ARHGAP22: variants seen among roughly 807,000 people sequenced by gnomAD.
ARHGAP22 encodes rho GTPase-activating protein 22.
A neutral mutation model predicts 59.1 loss-of-function variants in ARHGAP22; 48 were observed. The observed-to-expected ratio is 0.81, with a 90% CI of 0.64 to 1.03. The LOEUF (loss-of-function observed/expected upper bound fraction) is 1.03, where lower values mean the gene tolerates loss of function less well. Ranked by LOEUF, ARHGAP22 falls within the 50% of genes least tolerant of loss-of-function variation. ARHGAP22 has a pLI of 0.00. For missense variants in ARHGAP22, 1,015 were observed against 958.7 expected, an observed-to-expected ratio of 1.06 and a Z score of -0.78; for synonymous variants, 445 against 416.4, an observed-to-expected ratio of 1.07 and a Z score of -0.84.
chr10:48,616,834 G>A (rs61838392), intron 1 of ARHGAP22, among the ~76,000 whole-genome samples: 26,904 of 152,056 alleles, frequency 0.18, 2,672 homozygotes, highest in East Asian at 0.28. Flanking sequence ...CTATTAAAGT[G>A]AGTCCTTCAG....
intron 5 of ARHGAP22, among the ~76,000 whole-genome samples, chr10:48,457,117 A>C (rs1014564798): frequency 6.6e-6 from 1 of 152,144 alleles, no homozygotes; most frequent in Non-Finnish European, 1.5e-5. Flanking sequence ...TGCAGCCCGC[A>C]GCAAGGTGAC....
At chr10:48,593,666 T>C (rs1007501295) in intron 1 of ARHGAP22, among the ~76,000 whole-genome samples, 3 of 152,222 alleles carry the variant, frequency 2.0e-5, no homozygotes, top group Non-Finnish European at 4.4e-5. Flanking sequence ...CTGGGCAAGA[T>C]AGAGTGGGAC....
chr10:48,446,215 C>A lies in ARHGAP22; in HGVS notation c.*176G>T. On this transcript the variant is annotated 3_prime_UTR_variant, in exon 10 of 10. Transcript: ENST00000249601. ...TGCATGGTTGGAGCAGCATCTGATC[C>A]CACCTGGAGTGTGTGGGGTCCCAAA... 1 of 647,836 alleles carries A rather than the reference C, an allele frequency of 1.5e-6. No homozygotes were observed. The highest frequency in any genetic ancestry group is 2.0e-5 in the South Asian group (1 of 49,630). 40.1% of individuals were successfully genotyped at this position (647,836 alleles called of 1,614,324 possible).
chr10:48,487,586 T>C lies in ARHGAP22; in HGVS notation c.323-7822A>G, dbSNP rs528819297. Reference sequence around the variant, plus strand: ...GTGGAGGAAGGGAGCCAGGAGCTGATGAATGCAGGCAACCTCTAGAAACTG... The same window carrying C: ...GTGGAGGAAGGGAGCCAGGAGCTGACGAATGCAGGCAACCTCTAGAAACTG... On this transcript the variant is annotated intron_variant, in intron 3 of 9. Coordinates refer to ENST00000249601, the MANE Select transcript of ARHGAP22 (RefSeq NM_021226.4). Among the ~76,000 whole-genome samples, 119 of 152,282 alleles carry C rather than the reference T, an allele frequency of 7.8e-4. 2 individuals carry two copies. The highest frequency in any genetic ancestry group is 3.1e-3 in the Admixed American group (48 of 15,292).
upstream of ARHGAP22, among the ~76,000 whole-genome samples, chr10:48,655,248 T>TGGGGGG (rs2062763955): frequency 9.1e-6 from 1 of 110,184 alleles, no homozygotes; most frequent in African/African-American, 4.0e-5. Flanking sequence ...TGGATGTGTG[T>TGGGGGG]GTGTGTGTGG....
intron 2 of ARHGAP22, among the ~76,000 whole-genome samples, chr10:48,557,848 G>T (rs1449298709): frequency 6.6e-6 from 1 of 152,202 alleles, no homozygotes; most frequent in Non-Finnish European, 1.5e-5. Flanking sequence ...TGGGGGTTGG[G>T]GGCCTGGGGA....
At chr10:48,497,326 G>T (rs999168718) in intron 3 of ARHGAP22, among the ~76,000 whole-genome samples, 2 of 152,312 alleles carry the variant, frequency 1.3e-5, no homozygotes, top group African/African-American at 4.8e-5. Context: ...GTGAAGAGTA[G>T]GTGGGGTTCT....
chr10:48,497,664 G>T (rs557737686), intron 3 of ARHGAP22, among the ~76,000 whole-genome samples: 1 of 152,158 alleles, frequency 6.6e-6, no homozygotes, highest in South Asian at 2.1e-4. Flanking sequence ...GGGGACACAG[G>T]AACAAAGCCA....
chr10:48,476,235 GA>G (rs143299692), intron 4 of ARHGAP22, among the ~76,000 whole-genome samples: 1 of 152,324 alleles, frequency 6.6e-6, no homozygotes, highest in East Asian at 1.9e-4. Context: ...ATTCCCAAAT[GA>G]GAGGCACTCC....
Position 48,582,941 on chromosome 10 carries a change from T to C in ARHGAP22, c.234+12A>G. 6.2e-7 allele frequency: 1 copy of C among 1,614,038 alleles called. No individual in the cohort carries two copies. On this transcript the variant is annotated intron_variant, in intron 2 of 9. Coordinates refer to ENST00000249601, the MANE Select transcript of ARHGAP22 (RefSeq NM_021226.4). ...CACGATGCCCACGGCACACCGGACA[T>C]GCACTTCTCACCTGGGGCTTGATCT...
At chr10:48,590,836 T>C (rs2059707827) in intron 1 of ARHGAP22, among the ~76,000 whole-genome samples, 1 of 137,868 alleles carries the variant, frequency 7.3e-6, no homozygotes. Flanking sequence ...AAGAAGAAAT[T>C]CAGCGCATGG....
intron 3 of ARHGAP22, among the ~76,000 whole-genome samples, chr10:48,503,833 G>T (rs1391860833): frequency 6.6e-6 from 1 of 152,250 alleles, no homozygotes; most frequent in Non-Finnish European, 1.5e-5. Flanking sequence ...TGCTATGAGT[G>T]AACACATCAA....
chr10:48,597,966 G>A (rs1283654986), intron 1 of ARHGAP22, among the ~76,000 whole-genome samples: 3 of 152,204 alleles, frequency 2.0e-5, no homozygotes, highest in African/African-American at 4.8e-5. Context: ...CCTGGCCCAC[G>A]CCTAACTCAG....
intron 3 of ARHGAP22, among the ~76,000 whole-genome samples, chr10:48,521,170 G>A (rs916811558): frequency 2.0e-5 from 3 of 152,132 alleles, no homozygotes; most frequent in African/African-American, 4.8e-5. Flanking sequence ...TGGAACCCAG[G>A]ATTTCTCTAT....
At chr10:48,433,688 T>C in the ARHGAP22 span, among the ~76,000 whole-genome samples, 3,428 of 152,302 alleles carry the variant, frequency 0.023, 140 homozygotes, top group African/African-American at 0.078. Context: ...CTACACTGCC[T>C]ATTTTCTTTT....
the ARHGAP22 span, chr10:48,435,057 G>GGGT: frequency 2.4e-6 from 1 of 421,632 alleles, no homozygotes; most frequent in African/African-American, 2.2e-5. Flanking sequence ...GGGTGGGAGG[G>GGGT]ATGGGGAGTC....
Position 48,537,661 on chromosome 10 carries a change from G to A in ARHGAP22, c.322+17802C>T, listed in dbSNP as rs558368377. Among the ~76,000 whole-genome samples, 3 of 152,328 alleles carry A rather than the reference G, an allele frequency of 2.0e-5. No individual in the cohort carries two copies. In the South Asian group the frequency reaches 6.2e-4, roughly 32 times the overall value. On this transcript the variant is annotated intron_variant, in intron 3 of 9. Coordinates refer to ENST00000249601, the MANE Select transcript of ARHGAP22 (RefSeq NM_021226.4). ...GGAAGATGAGGTGACTTTTCAAGGT[G>A]GCGCACACAGGGGGGAAGCAGCAGG...
chr10:48,466,476 C>G (rs1201129377), intron 4 of ARHGAP22: 1 of 151,582 alleles, frequency 6.6e-6, no homozygotes, highest in Non-Finnish European at 1.5e-5. Context: ...GCGCGGCGCT[C>G]TCGCCCGCTG....
chr10:48,493,877 G>A (rs1183798975), intron 3 of ARHGAP22, among the ~76,000 whole-genome samples: 1 of 152,186 alleles, frequency 6.6e-6, no homozygotes, highest in Non-Finnish European at 1.5e-5. Flanking sequence ...CCAGCTCAGT[G>A]CCACTAGCTT....
Sources: gnomAD v4.1 joint callset for allele counts (sites outside exome capture counted in the v4.1 genomes callset) on GRCh38, gnomAD v4.1.1 for gene constraint, MANE v1.5 for transcripts, NCBI Gene and HGNC (gene_info 2026-07-23, HGNC 2026-07-21) for gene names.